DACH1: variants seen among roughly 807,000 people sequenced by gnomAD.
DACH1 encodes dachshund family transcription factor 1, also known as dachshund homolog 1.
DACH1 carries 12 observed loss-of-function variants against 54.2 expected under a neutral mutation model. The observed-to-expected ratio is 0.22, with a 90% CI of 0.14 to 0.36. The LOEUF is 0.36. DACH1 is among the 10% of genes least tolerant of loss of function. The pLI, the probability that DACH1 is intolerant of heterozygous loss-of-function variation, is 1.00. For missense variants in DACH1, 805 were observed against 929.8 expected, an observed-to-expected ratio of 0.87 and a Z score of 1.75; for synonymous variants, 386 against 366.2, an observed-to-expected ratio of 1.05 and a Z score of -0.62.
intron 1 of DACH1, among the ~76,000 whole-genome samples, chr13:71,730,805 T>C (rs1336923475): frequency 1.3e-5 from 2 of 152,110 alleles, no homozygotes; most frequent in Non-Finnish European, 2.9e-5. Flanking sequence ...TAGTTATAAT[T>C]GTCATGTAAA....
intron 2 of DACH1, among the ~76,000 whole-genome samples, chr13:71,645,108 G>A (rs1358754848): frequency 6.6e-6 from 1 of 152,134 alleles, no homozygotes; most frequent in South Asian, 2.1e-4. Context: ...ATTAGTAGAG[G>A]GTTTTAGAAT....
At chr13:71,763,911 T>C (rs1401925134) in intron 1 of DACH1, among the ~76,000 whole-genome samples, 1 of 152,210 alleles carries the variant, frequency 6.6e-6, no homozygotes, top group Admixed American at 6.5e-5. Context: ...AATGCCCACC[T>C]TTATGCCATG....
intron 7 of DACH1, among the ~76,000 whole-genome samples, chr13:71,480,700 T>C (rs1349136391): frequency 6.6e-6 from 1 of 152,178 alleles, no homozygotes; most frequent in African/African-American, 2.4e-5. Flanking sequence ...TGTGACTCCC[T>C]TGCAAGAAGA....
rs542135153 is a variant in DACH1 at position 71,837,337 on chromosome 13, T to C, written c.848+28585A>G. Among the ~76,000 whole-genome samples the C allele has an allele frequency of 5.9e-5, 9 of 152,252 alleles. No homozygotes were observed. In the South Asian group the frequency reaches 1.9e-3, roughly 32 times the overall value. On this transcript the variant is annotated intron_variant, in intron 1 of 10. Transcript: ENST00000613252. ...CACCAACTTCAATGGTAGATAAAAG[T>C]ATCTTATATTTATACATATTCTGTA...
chr13:71,512,472 A>G (rs1274212781), intron 6 of DACH1, among the ~76,000 whole-genome samples: 2 of 151,958 alleles, frequency 1.3e-5, no homozygotes, highest in Non-Finnish European at 2.9e-5. Flanking sequence ...ATACTAAAAC[A>G]GAGGAGAAAG....
chr13:71,748,052 G>A (rs895235300), intron 1 of DACH1, among the ~76,000 whole-genome samples: 3 of 152,040 alleles, frequency 2.0e-5, no homozygotes, highest in Non-Finnish European at 2.9e-5. Context: ...AAAAGATTAA[G>A]TACAGTTAGA....
intron 1 of DACH1, among the ~76,000 whole-genome samples, chr13:71,686,892 C>T (rs1881191381): frequency 6.6e-6 from 1 of 152,178 alleles, no homozygotes; most frequent in African/African-American, 2.4e-5. Flanking sequence ...AAAAGAGCTA[C>T]TGTATATAAG....
chr13:71,588,078 A>T (rs781288657), intron 3 of DACH1, among the ~76,000 whole-genome samples: 2 of 152,154 alleles, frequency 1.3e-5, no homozygotes, highest in Non-Finnish European at 2.9e-5. Context: ...ATTTATTCTG[A>T]TCTTACTCTC....
At chr13:71,553,603 T>A (rs1884042242) in intron 6 of DACH1, among the ~76,000 whole-genome samples, 1 of 142,588 alleles carries the variant, frequency 7.0e-6, no homozygotes, top group African/African-American at 2.5e-5. Context: ...TATTTTTGTA[T>A]TTTATATTGT....
chr13:71,536,258 T>C (rs1017461700), intron 6 of DACH1, among the ~76,000 whole-genome samples: 1 of 152,120 alleles, frequency 6.6e-6, no homozygotes, highest in Non-Finnish European at 1.5e-5. Flanking sequence ...ACACTCAAAA[T>C]AATTGCTTTC....
chr13:71,495,031 T>C (rs1879287220), intron 6 of DACH1, among the ~76,000 whole-genome samples: 1 of 152,058 alleles, frequency 6.6e-6, no homozygotes, highest in Non-Finnish European at 1.5e-5. Flanking sequence ...TTTTCATAAC[T>C]AATCCCTTTG....
intron 6 of DACH1, among the ~76,000 whole-genome samples, chr13:71,520,267 A>C (rs891565604): frequency 7.9e-5 from 12 of 151,712 alleles, no homozygotes; most frequent in Non-Finnish European, 1.6e-4. Flanking sequence ...GGTAAGAATT[A>C]GGTGTAATAA....
At chr13:71,653,830 G>A (rs1429896012) in intron 2 of DACH1, among the ~76,000 whole-genome samples, 2 of 151,832 alleles carry the variant, frequency 1.3e-5, no homozygotes, top group African/African-American at 4.8e-5. Context: ...CAGAAAATAT[G>A]AAAAGAATCA....
chr13:71,722,311 C>T (rs1409007489), intron 1 of DACH1, among the ~76,000 whole-genome samples: 2 of 152,152 alleles, frequency 1.3e-5, no homozygotes, highest in Non-Finnish European at 2.9e-5. Flanking sequence ...TATCAACTTG[C>T]TTCTTTCCTT....
At chr13:71,548,871 T>C (rs1469668626) in intron 6 of DACH1, among the ~76,000 whole-genome samples, 1 of 152,002 alleles carries the variant, frequency 6.6e-6, no homozygotes, top group African/African-American at 2.4e-5. Flanking sequence ...AACCATGTTT[T>C]GTGCCACTGC....
chr13:71,680,342 C>A (rs1880825051), intron 2 of DACH1, among the ~76,000 whole-genome samples: 1 of 151,960 alleles, frequency 6.6e-6, no homozygotes, highest in Non-Finnish European at 1.5e-5. Flanking sequence ...TGGCTCATGC[C>A]CGTAATCCAG....
intron 1 of DACH1, chr13:71,704,551 C>T: frequency 4.5e-6 from 2 of 447,026 alleles, no homozygotes; most frequent in East Asian, 6.4e-5. Context: ...TACCTGGGTG[C>T]AACTGAAGCA....
chr13:71,553,657 TATATATATATATGC>T (rs1412299526), intron 6 of DACH1, among the ~76,000 whole-genome samples: 1 of 146,480 alleles, frequency 6.8e-6, no homozygotes, highest in African/African-American at 2.5e-5. Flanking sequence ...ATATAGTATA[TATATATATATATGC>T]ATATATATAT....
At chr13:71,799,396 C>T (rs1887194569) in intron 1 of DACH1, among the ~76,000 whole-genome samples, 1 of 151,976 alleles carries the variant, frequency 6.6e-6, no homozygotes, top group East Asian at 1.9e-4. Flanking sequence ...TTCCCTATGA[C>T]AAGAATTTCT....
Sources: gnomAD v4.1 joint callset for allele counts (sites outside exome capture counted in the v4.1 genomes callset) on GRCh38, gnomAD v4.1.1 for gene constraint, MANE v1.5 for transcripts, NCBI Gene and HGNC (gene_info 2026-07-23, HGNC 2026-07-21) for gene names.